CNOT6L: variants seen among roughly 807,000 people sequenced by gnomAD.
CNOT6L encodes CCR4-NOT transcription complex subunit 6-like.
In CNOT6L, 7 loss-of-function variants were observed where a neutral mutation model predicts 64.0. The ratio of observed to expected loss-of-function variants is 0.11; its 90% CI spans 0.06 to 0.21. The LOEUF (loss-of-function observed/expected upper bound fraction) is 0.21. Ranked by LOEUF, CNOT6L falls within the 10% of genes least tolerant of loss-of-function variation. The pLI is 1.00. For missense variants in CNOT6L, 245 were observed against 669.0 expected, an observed-to-expected ratio of 0.37 and a Z score of 6.99; for synonymous variants, 193 against 243.4, an observed-to-expected ratio of 0.79 and a Z score of 1.93.
intron 1 of CNOT6L, among the ~76,000 whole-genome samples, chr4:77,810,909 T>TC (rs1452826553): frequency 6.6e-6 from 1 of 152,174 alleles, no homozygotes; most frequent in Non-Finnish European, 1.5e-5. Context: ...ACCTTTCTGT[T>TC]CCTGGCTTAT....
At chr4:77,772,908 C>T (rs985295438) in intron 4 of CNOT6L, among the ~76,000 whole-genome samples, 173 bp downstream of exon 4, 2 of 152,042 alleles carry the variant, frequency 1.3e-5, no homozygotes, top group Non-Finnish European at 2.9e-5. Context: ...GGGCGACAGA[C>T]CAAGACTCCG....
chr4:77,714,341 T>C lies in CNOT6L; in HGVS notation c.*6090A>G, dbSNP rs1720499724. The C allele has an allele frequency of 6.6e-6, 1 of 151,688 alleles. No homozygotes were observed. Among genetic ancestry groups the C allele is most frequent in the East Asian group, 1.9e-4 (1 of 5,132 alleles). 9.4% of individuals were successfully genotyped at this position (151,688 alleles called of 1,614,324 possible). On this transcript the variant is annotated 3_prime_UTR_variant, in exon 12 of 12. Coordinates refer to ENST00000504123, the MANE Select transcript of CNOT6L (RefSeq NM_144571.3). ...CAATTAGTTGGCACTTGTTATATAG[T>C]TGAAAAAAATCACAACAGAAGATAT... is the stretch of plus-strand genomic sequence containing the variant.
intron 8 of CNOT6L, among the ~76,000 whole-genome samples, chr4:77,737,406 CTTTTT>C (rs56952956): frequency 2.4e-5 from 2 of 82,374 alleles, no homozygotes; most frequent in African/African-American, 9.5e-5. Flanking sequence ...TTGTACCGTT[CTTTTT>C]TTTTTTTTTT....
chr4:77,719,657 A>G lies in CNOT6L; in HGVS notation c.*774T>C, dbSNP rs1455265385. 2 of 152,618 alleles carry G rather than the reference A, an allele frequency of 1.3e-5. No homozygotes were observed. Among genetic ancestry groups the G allele is most frequent in the Non-Finnish European group, 2.9e-5 (2 of 68,024 alleles). 9.5% of individuals were successfully genotyped at this position (152,618 alleles called of 1,614,324 possible). On this transcript the variant is annotated 3_prime_UTR_variant, in exon 12 of 12. Coordinates refer to ENST00000504123, the MANE Select transcript of CNOT6L (RefSeq NM_144571.3). ...ACATACCACATTCTATTTTCAAGGTATGTGGCAATACAGATTACTTACTTT... is the reference window on the plus strand; with the variant it reads ...ACATACCACATTCTATTTTCAAGGTGTGTGGCAATACAGATTACTTACTTT...
chr4:77,793,623 A>C (rs1308312594), intron 1 of CNOT6L, among the ~76,000 whole-genome samples: 3 of 152,134 alleles, frequency 2.0e-5, no homozygotes, highest in Non-Finnish European at 4.4e-5. Context: ...AGAACAGAGA[A>C]AAACTTGACA....
At chr4:77,818,620 C>T (rs899816236) in intron 1 of CNOT6L, among the ~76,000 whole-genome samples, 2 of 152,182 alleles carry the variant, frequency 1.3e-5, no homozygotes. Flanking sequence ...CACAGCCGGC[C>T]GGGCGAAGGC....
At chr4:77,734,385 A>G (rs1030987290) in intron 8 of CNOT6L, among the ~76,000 whole-genome samples, 2 of 152,168 alleles carry the variant, frequency 1.3e-5, no homozygotes, top group African/African-American at 4.8e-5. Context: ...ATTTAGAACA[A>G]TACTATTCTA....
Position 77,783,191 on chromosome 4 carries a change from AG to A in CNOT6L, c.6-6800del, listed in dbSNP as rs148713037. Among the ~76,000 whole-genome samples the A allele has an allele frequency of 9.2e-3, 1,398 of 151,460 alleles. 21 individuals carry two copies. The highest frequency in any genetic ancestry group is 0.031 in the African/African-American group (1,297 of 41,262). On this transcript the variant is annotated intron_variant, in intron 1 of 11. Transcript: ENST00000504123. ...AAAAACACATGTTTTATAATGGCAA[AG>A]TCACTCATCATTATTGAAAAAAATA...
At chr4:77,795,846 G>A (rs957084321) in intron 1 of CNOT6L, among the ~76,000 whole-genome samples, 2 of 152,026 alleles carry the variant, frequency 1.3e-5, no homozygotes, top group African/African-American at 4.8e-5. Context: ...CTAAATAAAT[G>A]AAGACATACC....
chr4:77,767,379 T>G (rs139563895), intron 4 of CNOT6L, among the ~76,000 whole-genome samples: 1 of 152,072 alleles, frequency 6.6e-6, no homozygotes, highest in African/African-American at 2.4e-5. Context: ...GGTGCCCAAA[T>G]TGTCAAAACA....
At chr4:77,758,655 G>A (rs1358912594) in intron 4 of CNOT6L, among the ~76,000 whole-genome samples, 15 of 152,156 alleles carry the variant, frequency 9.9e-5, no homozygotes, top group Admixed American at 9.8e-4. Context: ...ACACTTTAAA[G>A]TGTAACTGAC....
intron 4 of CNOT6L, among the ~76,000 whole-genome samples, chr4:77,767,246 T>C (rs190166560): frequency 1.0e-3 from 158 of 152,208 alleles, no homozygotes; most frequent in African/African-American, 3.6e-3. Context: ...AATAGGATGA[T>C]TGAATACAAT....
Position 77,718,083 on chromosome 4 carries a change from T to C in CNOT6L, c.*2348A>G, listed in dbSNP as rs540131054. On this transcript the variant is annotated 3_prime_UTR_variant, in exon 12 of 12. Transcript: ENST00000504123. ...TACATTTAACTATTAAAAAAGTTTT[T>C]TATTAATAAATGGGCTCCTCTGTGG... 2 of 152,688 alleles carry C rather than the reference T, an allele frequency of 1.3e-5. No individual in the cohort carries two copies. The highest frequency in any genetic ancestry group is 2.4e-5 in the African/African-American group (1 of 41,562). The allele number at this position is 152,688 out of a possible 1,614,324, so 9.5% of individuals were successfully genotyped here.
Position 77,784,641 on chromosome 4 carries a change from C to T in CNOT6L, c.6-8249G>A, listed in dbSNP as rs376089488. Among the ~76,000 whole-genome samples, 18 of 152,088 alleles carry T rather than the reference C, an allele frequency of 1.2e-4. No individual in the cohort carries two copies. The East Asian group carries it at 2.9e-3, about 24-fold the overall frequency. ...GAGGACTACAGGTGCACGCCACCAC[C>T]ATCCAGCTAATCTTTGTATTTTTTT... On this transcript the variant is annotated intron_variant, in intron 1 of 11. Coordinates refer to ENST00000504123, the MANE Select transcript of CNOT6L (RefSeq NM_144571.3).
At position 77,726,202 on chromosome 4, in the gene CNOT6L, A is replaced by G. The variant is rs377046330; in HGVS notation, c.1420T>C (p.Leu474=). The part of the protein sequence containing the change: ...FQLKSAYENN[L]MPYTNYTFDF... ...AAGGTGTAATTGGTGTAAGGCATCAAGTTATTTTCATAGGCGCTCTTAAGT... is the reference window on the plus strand; with the variant it reads ...AAGGTGTAATTGGTGTAAGGCATCAGGTTATTTTCATAGGCGCTCTTAAGT... Residue 474 remains leucine, a synonymous_variant, in exon 11 of 12, where the codon TTG becomes CTG. Coordinates refer to ENST00000504123, the MANE Select transcript of CNOT6L (RefSeq NM_144571.3). The G allele has an allele frequency of 8.0e-5, 129 of 1,613,728 alleles. No homozygotes were observed. Among genetic ancestry groups the G allele is most frequent in the Middle Eastern group, 6.6e-4 (4 of 6,072 alleles).
At position 77,719,283 on chromosome 4, in the gene CNOT6L, GAAAC is replaced by G. The variant is rs1721054220; in HGVS notation, c.*1144_*1147del. 6.6e-6 allele frequency: 1 copy of G among 152,552 alleles called. No homozygotes were observed. Among genetic ancestry groups the G allele is most frequent in the African/African-American group, 2.4e-5 (1 of 41,428 alleles). 9.4% of individuals were successfully genotyped at this position (152,552 alleles called of 1,614,324 possible). Reference sequence around the variant, plus strand: ...CTTAATTCAACCCTGACAGACAACTGAAACAAAGATTAAAAGCATATGATGGCCA... The same window carrying G: ...CTTAATTCAACCCTGACAGACAACTGAAAGATTAAAAGCATATGATGGCCA... On this transcript the variant is annotated 3_prime_UTR_variant, in exon 12 of 12. Transcript: ENST00000504123.
intron 4 of CNOT6L, among the ~76,000 whole-genome samples, chr4:77,757,696 A>C (rs1395594391): frequency 6.6e-6 from 1 of 152,072 alleles, no homozygotes; most frequent in Non-Finnish European, 1.5e-5. Flanking sequence ...ACACATACCC[A>C]CCAGCACAGC....
chr4:77,749,305 G>A (rs564235064), intron 5 of CNOT6L, among the ~76,000 whole-genome samples: 1 of 152,220 alleles, frequency 6.6e-6, no homozygotes, highest in Admixed American at 6.5e-5. Flanking sequence ...AGAAAAGAAG[G>A]TTATAAGATG....
rs1233253612 is a variant in CNOT6L, at chr4:77,713,696, GA to G, written c.*6734del. ...GCACACTTTGTACAGTGTCTATTGT[GA>G]AAAACATCTCAGCTGAGCAGTTTTG... On this transcript the variant is annotated 3_prime_UTR_variant, in exon 12 of 12. Coordinates refer to ENST00000504123, the MANE Select transcript of CNOT6L (RefSeq NM_144571.3). The G allele has an allele frequency of 6.6e-6, 1 of 152,606 alleles. No homozygotes were observed. The highest frequency in any genetic ancestry group is 1.9e-4 in the East Asian group (1 of 5,178). The allele number at this position is 152,606 out of a possible 1,614,324, so 9.5% of individuals were successfully genotyped here. A position where few individuals can be genotyped will look rare whatever the true frequency, so the allele number is the denominator to read the frequency against.
Sources: allele counts gnomAD v4.1 joint callset (sites outside exome capture counted in the v4.1 genomes callset), GRCh38; gene constraint gnomAD v4.1.1; transcripts MANE v1.5; gene names NCBI Gene and HGNC (gene_info 2026-07-23, HGNC 2026-07-21).